ZDHHC20: variants seen among roughly 807,000 people sequenced by gnomAD.
ZDHHC20 encodes palmitoyltransferase ZDHHC20.
In ZDHHC20, 43 loss-of-function variants were observed where a neutral mutation model predicts 57.8. That is an observed-to-expected ratio of 0.74 (90% CI 0.58 to 0.96). The LOEUF is 0.96. ZDHHC20 is among the 40% of genes least tolerant of loss of function. ZDHHC20 has a pLI of 0.00. For missense variants in ZDHHC20, 391 were observed against 441.1 expected (o/e 0.89, Z 1.02); for synonymous variants, 157 against 153.0 (o/e 1.03, Z -0.19).
chr13:21,425,712 C>A (rs554921265), intron 1 of ZDHHC20, 34 bp from the exon 2 acceptor site: 85 of 1,046,698 alleles, frequency 8.1e-5, no homozygotes, highest in Non-Finnish European at 7.7e-6. Flanking sequence ...AATAAATATA[C>A]TTTAAACATT....
At chr13:21,456,762 ATAGAATGTTTTAACTTAATGAAATTG>A (rs1884962987) in intron 1 of ZDHHC20, among the ~76,000 whole-genome samples, 1 of 152,266 alleles carries the variant, frequency 6.6e-6, no homozygotes, top group Admixed American at 6.5e-5. Context: ...GGCCATAGTT[ATAGAATGTTTTAACTTAATGAAATTG>A]TAGGGTATAA....
At chr13:21,378,601 A>C in intron 12 of ZDHHC20, 60 bp downstream of exon 12, 1 of 996,026 alleles carries the variant, frequency 1.0e-6, no homozygotes, top group East Asian at 3.1e-5. Context: ...AATTGTTTAA[A>C]GATTATGAAA....
intron 1 of ZDHHC20, among the ~76,000 whole-genome samples, chr13:21,430,477 C>T (rs755498150): frequency 2.6e-5 from 4 of 151,930 alleles, no homozygotes; most frequent in Non-Finnish European, 5.9e-5. Context: ...TTTTCTGATA[C>T]TATCCCAGCA....
At chr13:21,424,041 A>G (rs558560359) in intron 2 of ZDHHC20, among the ~76,000 whole-genome samples, 160 of 152,280 alleles carry the variant, frequency 1.1e-3, no homozygotes, top group Admixed American at 3.1e-3. Flanking sequence ...ACAAAAGAAA[A>G]TGGTTTTGCT....
chr13:21,446,187 G>A (rs1883679200), intron 1 of ZDHHC20, among the ~76,000 whole-genome samples: 1 of 152,206 alleles, frequency 6.6e-6, no homozygotes, highest in African/African-American at 2.4e-5. Flanking sequence ...TAATAATCAT[G>A]ACTTGTATTT....
chr13:21,451,069 T>C (rs886071856), intron 1 of ZDHHC20, among the ~76,000 whole-genome samples: 21 of 152,224 alleles, frequency 1.4e-4, no homozygotes, highest in African/African-American at 3.9e-4. Flanking sequence ...TTTTTTGTTT[T>C]TAATTCTAAT....
intron 1 of ZDHHC20, among the ~76,000 whole-genome samples, chr13:21,442,967 G>A (rs1593274296): frequency 6.6e-6 from 1 of 152,050 alleles, no homozygotes; most frequent in African/African-American, 2.4e-5. Context: ...TGATTTTCAT[G>A]GACCATCCAC....
In ZDHHC20 at chr13:21,402,902, T is replaced by C. The variant is rs753158232; in HGVS notation, c.371-36A>G. 6 of 1,489,106 alleles carry C rather than the reference T, an allele frequency of 4.0e-6. No homozygotes were observed. In the South Asian group the frequency reaches 6.1e-5, roughly 15 times the overall value. 92.2% of individuals were successfully genotyped at this position (1,489,106 alleles called of 1,614,324 possible). ...GAAGTAAAAGGAAGATGCTGAAGGATGTACAAACTTAACTAATTTGACATT... is the reference window on the plus strand; with the variant it reads ...GAAGTAAAAGGAAGATGCTGAAGGACGTACAAACTTAACTAATTTGACATT... On this transcript the variant is annotated intron_variant, in intron 4 of 12. Transcript: ENST00000400590.
At chr13:21,455,633 G>GGTGTGTGTGTGTGTGT (rs3070118) in intron 1 of ZDHHC20, among the ~76,000 whole-genome samples, 1 of 148,082 alleles carries the variant, frequency 6.8e-6, no homozygotes, top group African/African-American at 2.5e-5. Flanking sequence ...CCAGTGAAGT[G>GGTGTGTGTGTGTGTGT]GTGTGTGTGT....
intron 12 of ZDHHC20, chr13:21,377,923 CTG>C (rs759575857): frequency 1.3e-5 from 2 of 152,326 alleles, no homozygotes; most frequent in Non-Finnish European, 2.9e-5. Context: ...TTTTCTCTTG[CTG>C]TGTCTTTTAC....
chr13:21,429,558 T>C (rs770776004), intron 1 of ZDHHC20, among the ~76,000 whole-genome samples: 3 of 152,224 alleles, frequency 2.0e-5, no homozygotes, highest in Non-Finnish European at 4.4e-5. Flanking sequence ...TTGGTTATAA[T>C]GTATGTTGGA....
chr13:21,457,096 C>A (rs1884990708), intron 1 of ZDHHC20, among the ~76,000 whole-genome samples: 1 of 152,204 alleles, frequency 6.6e-6, no homozygotes, highest in Non-Finnish European at 1.5e-5. Flanking sequence ...TGCCCACTAG[C>A]ACATGGCACT....
intron 4 of ZDHHC20, among the ~76,000 whole-genome samples, chr13:21,410,458 C>T (rs954583732): frequency 1.3e-5 from 2 of 151,590 alleles, no homozygotes; most frequent in Non-Finnish European, 3.0e-5. Context: ...GCTGTGCCTA[C>T]AGCTGCCTCT....
intron 4 of ZDHHC20, among the ~76,000 whole-genome samples, chr13:21,406,033 A>C (rs2137820141): frequency 6.6e-6 from 1 of 152,340 alleles, no homozygotes; most frequent in South Asian, 2.1e-4. Flanking sequence ...CTGAGTGGTT[A>C]AGATTGTGTA....
At chr13:21,397,563 G>A (rs996413085) in intron 7 of ZDHHC20, among the ~76,000 whole-genome samples, 1 of 151,990 alleles carries the variant, frequency 6.6e-6, no homozygotes, top group South Asian at 2.1e-4. Context: ...TTGGGGGCTT[G>A]AGGCAGGGGA....
intron 5 of ZDHHC20, 127 bp from the exon 6 acceptor site, chr13:21,401,812 A>ATTATCT: frequency 1.3e-6 from 1 of 774,640 alleles, no homozygotes; most frequent in Non-Finnish European, 2.0e-6. Flanking sequence ...CAACCCAGAA[A>ATTATCT]CTAGGTTAGA....
chr13:21,381,009 A>T (rs752938957), intron 11 of ZDHHC20, among the ~76,000 whole-genome samples: 114 of 151,082 alleles, frequency 7.5e-4, no homozygotes, highest in South Asian at 2.3e-3. Flanking sequence ...TTTATTTTTT[A>T]TTATTATTAT....
rs192848479 is a variant in ZDHHC20 at position 21,406,492 on chromosome 13, G to A, written c.371-3626C>T. 1.2e-3 allele frequency among the ~76,000 whole-genome samples: 183 copies of A among 152,166 alleles called. 1 individual carries two copies. The highest frequency in any genetic ancestry group is 0.011 in the Admixed American group (172 of 15,280). On this transcript the variant is annotated intron_variant, in intron 4 of 12. Coordinates refer to ENST00000400590, the MANE Select transcript of ZDHHC20 (RefSeq NM_001330059.2). ...GGTGGTTTGCTGCACCTATCAATCTGTCATCTACAATAGGTATTTCTCCTA... is the reference window on the plus strand; with the variant it reads ...GGTGGTTTGCTGCACCTATCAATCTATCATCTACAATAGGTATTTCTCCTA...
At chr13:21,391,289 C>T (rs1445156530) in intron 8 of ZDHHC20, among the ~76,000 whole-genome samples, 7 of 152,050 alleles carry the variant, frequency 4.6e-5, no homozygotes, top group African/African-American at 1.7e-4. Context: ...ATTTTTGAAA[C>T]GACACTGTAT....
Sources: allele counts gnomAD v4.1 joint callset (sites outside exome capture counted in the v4.1 genomes callset), GRCh38; gene constraint gnomAD v4.1.1; transcripts MANE v1.5; gene names NCBI Gene and HGNC (gene_info 2026-07-23, HGNC 2026-07-21).